PRRC2C: variants seen among roughly 807,000 people sequenced by gnomAD.
PRRC2C encodes protein PRRC2C.
Under a neutral mutation model 317.2 loss-of-function variants are expected in PRRC2C, and 72 were observed. The observed-to-expected ratio is 0.23, with a 90% CI of 0.19 to 0.28. The LOEUF (loss-of-function observed/expected upper bound fraction) is 0.28. Among genes scored for constraint, PRRC2C ranks in the 10% least tolerant of loss-of-function variants. The pLI, the probability that PRRC2C is intolerant of heterozygous loss-of-function variation, is 1.00. For missense variants in PRRC2C, 3,074 were observed against 3,459.7 expected, an observed-to-expected ratio of 0.89 and a Z score of 2.80; for synonymous variants, 1,296 against 1,205.9, an observed-to-expected ratio of 1.07 and a Z score of -1.55.
chr1:171,561,223 A>G, intron 20 of PRRC2C, 120 bp downstream of exon 20: 3 of 958,080 alleles, frequency 3.1e-6, no homozygotes, highest in Non-Finnish European at 5.0e-6. Context: ...TGAGTCCGGG[A>G]GTTTGAGACC....
chr1:171,500,986 C>A (rs1352240301), intron 1 of PRRC2C, among the ~76,000 whole-genome samples: 1 of 152,204 alleles, frequency 6.6e-6, no homozygotes, highest in Admixed American at 6.5e-5. Context: ...GCAGCCTCGA[C>A]TTCCTGTGCT....
chr1:171,529,733 T>C (rs1407258421), intron 11 of PRRC2C, among the ~76,000 whole-genome samples: 3 of 152,218 alleles, frequency 2.0e-5, no homozygotes. Context: ...ATGGATTAGG[T>C]CCGTTACTCC....
intron 6 of PRRC2C, among the ~76,000 whole-genome samples, chr1:171,519,872 ATCT>A (rs1377364879): frequency 6.6e-6 from 1 of 152,180 alleles, no homozygotes; most frequent in East Asian, 1.9e-4. Context: ...GGCTGTGCTA[ATCT>A]TCTCTGTATT....
At position 171,541,564 on chromosome 1, in the gene PRRC2C, T is replaced by A; in HGVS notation, c.4098T>A (p.Thr1366=). The A allele has an allele frequency of 6.2e-7, 1 of 1,613,728 alleles. No homozygotes were observed. The highest frequency in any genetic ancestry group is 1.3e-5 in the African/African-American group (1 of 75,012). The stretch of plus-strand genomic sequence containing the variant: ...GAGGCCGTCCATCACGCCCTTCCAC[T>A]TTACGAAGACCAGCTTATCGGGACA... ...DPGGRPSRPS[T]LRRPAYRDNQ... The change falls in exon 16 of 35, where the codon ACT becomes ACA. Residue 1366 remains threonine, a synonymous_variant. Coordinates refer to ENST00000647382, the MANE Select transcript of PRRC2C (RefSeq NM_001387844.1). This position sits in a 1 kb window ranked among gnomAD's most constrained non-coding sequence, Gnocchi z 4.1.
rs912000242 is a variant in PRRC2C at position 171,584,070 on chromosome 1, C to T, written c.7524C>T (p.Ser2508=). Residue 2508 remains serine (S), a synonymous_variant, in exon 29 of 35, where the codon TCC becomes TCT. Coordinates refer to ENST00000647382, the MANE Select transcript of PRRC2C (RefSeq NM_001387844.1). ...VQHQELAKAQ[S]GLAFQQTSNT... is the part of the protein sequence containing the mutation. ...ACCAAGAACTTGCCAAGGCACAATC[C>T]GGTCTTGCCTTTCAGCAAACATCAA... The T allele has an allele frequency of 1.3e-5, 21 of 1,613,770 alleles. No homozygotes were observed. The African/African-American group carries it at 2.1e-4, about 16-fold the overall frequency.
intron 4 of PRRC2C, 124 bp downstream of exon 4, chr1:171,514,769 C>G (rs1469562184): frequency 1.2e-6 from 1 of 832,106 alleles, no homozygotes; most frequent in Non-Finnish European, 1.8e-6. Context: ...ATACTCAAGG[C>G]TCTTAAAAAG....
At chr1:171,502,365 A>G (rs1669286465) in intron 1 of PRRC2C, among the ~76,000 whole-genome samples, 1 of 151,668 alleles carries the variant, frequency 6.6e-6, no homozygotes. Context: ...TTGACATACA[A>G]TTTTTTTTTA....
At chr1:171,515,159 A>C (rs1339619329) in intron 4 of PRRC2C, among the ~76,000 whole-genome samples, 1 of 152,246 alleles carries the variant, frequency 6.6e-6, no homozygotes, top group Non-Finnish European at 1.5e-5. Flanking sequence ...TCTATAAAAC[A>C]TTCTATGGAA....
At chr1:171,550,514 A>ACAT (rs1306679634) in intron 18 of PRRC2C, among the ~76,000 whole-genome samples, 1 of 151,148 alleles carries the variant, frequency 6.6e-6, no homozygotes, top group Non-Finnish European at 1.5e-5. Context: ...CATGTGCACA[A>ACAT]CATGCAGGTT....
Position 171,540,761 on chromosome 1 carries a change from C to A in PRRC2C, c.3295C>A (p.Gln1099Lys). 6.2e-7 allele frequency: 1 copy of A among 1,613,932 alleles called. No homozygotes were observed. The highest frequency in any genetic ancestry group is 1.1e-5 in the South Asian group (1 of 91,078). Residue 1099 changes from glutamine to lysine, a missense_variant, in exon 16 of 35, where the codon CAA becomes AAA. By Grantham distance (53) the Gln-to-Lys change is moderately conservative. This residue lies in a region of PRRC2C where 1,320 missense variants were observed against 1,395.7 expected (regional missense o/e 0.95). Coordinates refer to ENST00000647382, the MANE Select transcript of PRRC2C (RefSeq NM_001387844.1). Reference protein sequence around the residue: ...FPSTETATLAQKPSQDTEKPL... With the variant: ...FPSTETATLAKKPSQDTEKPL... ...TTCAACAGAAACTGCAACTTTGGCTCAAAAACCATCTCAGGATACTGAGAA... is the reference window on the plus strand; with the variant it reads ...TTCAACAGAAACTGCAACTTTGGCTAAAAAACCATCTCAGGATACTGAGAA...
chr1:171,521,708 G>C (rs772631197), intron 6 of PRRC2C, among the ~76,000 whole-genome samples: 7 of 152,104 alleles, frequency 4.6e-5, no homozygotes, highest in Non-Finnish European at 7.3e-5. Context: ...TTCTACTCCT[G>C]CTTATGGAGG....
intron 28 of PRRC2C, among the ~76,000 whole-genome samples, chr1:171,580,731 AGAGT>A (rs1648377156): frequency 1.3e-5 from 2 of 152,200 alleles, no homozygotes; most frequent in South Asian, 2.1e-4. Flanking sequence ...TGAGGGAAGA[AGAGT>A]GAGTAAGAGT....
chr1:171,515,938 G>A, intron 5 of PRRC2C, 79 bp downstream of exon 5: 1 of 1,430,634 alleles, frequency 7.0e-7, no homozygotes, highest in Middle Eastern at 2.0e-4. Context: ...GCTTGCTGTT[G>A]CATATATTAT....
At chr1:171,584,308 A>G (rs1281174490) in intron 29 of PRRC2C, 111 bp from the exon 30 acceptor site, 1 of 1,347,802 alleles carries the variant, frequency 7.4e-7, no homozygotes, top group South Asian at 1.4e-5. Context: ...AAGTCCTTTC[A>G]TTTATCTAAT....
At chr1:171,530,099 C>G (rs1675492736) in intron 11 of PRRC2C, among the ~76,000 whole-genome samples, 1 of 152,150 alleles carries the variant, frequency 6.6e-6, no homozygotes, top group African/African-American at 2.4e-5. Flanking sequence ...ACAAAGTTTT[C>G]TTCGATAAAT....
At chr1:171,555,529 TGGA>T (rs1466022943) in intron 18 of PRRC2C, among the ~76,000 whole-genome samples, 3 of 152,260 alleles carry the variant, frequency 2.0e-5, no homozygotes, top group Non-Finnish European at 4.4e-5. Flanking sequence ...TGTGGTCATT[TGGA>T]GGAGAAGAGT....
chr1:171,537,952 G>A (rs1677151715), intron 15 of PRRC2C, among the ~76,000 whole-genome samples: 1 of 152,026 alleles, frequency 6.6e-6, no homozygotes, highest in Non-Finnish European at 1.5e-5. Flanking sequence ...CCAGGCTGGA[G>A]TGCAGTGGCG....
At chr1:171,578,861 CAAAACAAAAAACA>C (rs1271693019) in intron 26 of PRRC2C, among the ~76,000 whole-genome samples, 2 of 150,930 alleles carry the variant, frequency 1.3e-5, no homozygotes, top group Non-Finnish European at 2.9e-5. Flanking sequence ...GAGACTGTTT[CAAAACAAAAAACA>C]AAAACAAAAA....
At chr1:171,515,664 C>G in intron 4 of PRRC2C, 70 bp from the exon 5 acceptor site, 2 of 1,272,452 alleles carry the variant, frequency 1.6e-6, no homozygotes. Flanking sequence ...AGAGCTCTAT[C>G]CTGGGAGGGT....
Sources: allele counts gnomAD v4.1 joint callset (sites outside exome capture counted in the v4.1 genomes callset), GRCh38; gene constraint gnomAD v4.1.1; regional missense constraint gnomAD v4.1.1; non-coding constraint Gnocchi (gnomAD v3.1); transcripts MANE v1.5; gene names NCBI Gene and HGNC (gene_info 2026-07-23, HGNC 2026-07-21).